Variants in CNTNAP2 observed in about 807,000 individuals in gnomAD.
The protein encoded by CNTNAP2 is contactin associated protein 2.
Under a neutral mutation model 155.2 loss-of-function variants are expected in CNTNAP2, and 98 were observed. That is an observed-to-expected ratio of 0.63 (90% confidence interval 0.54 to 0.75). CNTNAP2 has a LOEUF of 0.75. CNTNAP2 is among the 30% of genes least tolerant of loss of function. CNTNAP2 has a pLI of 0.00. For synonymous variants in CNTNAP2, 651 were observed against 631.2 expected, an observed-to-expected ratio of 1.03 and a Z score of -0.47; for missense variants, 1,727 against 1,688.1, an observed-to-expected ratio of 1.02 and a Z score of -0.40.
At chr7:148,223,063 C>T (rs1307026154) in intron 19 of CNTNAP2, among the ~76,000 whole-genome samples, 2 of 152,162 alleles carry the variant, frequency 1.3e-5, no homozygotes, top group African/African-American at 4.8e-5. Flanking sequence ...TATTCAGCAA[C>T]CCCTACTCTT....
intron 11 of CNTNAP2, among the ~76,000 whole-genome samples, chr7:147,521,565 A>G (rs554106779): frequency 6.6e-6 from 1 of 152,270 alleles, no homozygotes; most frequent in South Asian, 2.1e-4. Flanking sequence ...AAGATGCGAG[A>G]ATATTGCTCC....
At chr7:148,042,893 C>G (rs1802705096) in intron 15 of CNTNAP2, among the ~76,000 whole-genome samples, 1 of 152,320 alleles carries the variant, frequency 6.6e-6, no homozygotes, top group South Asian at 2.1e-4. Flanking sequence ...AAACCAAGAA[C>G]AGTCTCAAAA....
At chr7:147,194,969 G>T (rs878858810) in intron 8 of CNTNAP2, among the ~76,000 whole-genome samples, 1 of 152,056 alleles carries the variant, frequency 6.6e-6, no homozygotes, top group Non-Finnish European at 1.5e-5. Flanking sequence ...AATTGCTTTT[G>T]GCATTTTTGT....
chr7:148,213,774 A>T, intron 18 of CNTNAP2, among the ~76,000 whole-genome samples: 1 of 152,040 alleles, frequency 6.6e-6, no homozygotes. Context: ...TCTGTTAGAC[A>T]CATTTACAGA....
chr7:146,457,802 C>G (rs1447915314), intron 1 of CNTNAP2, among the ~76,000 whole-genome samples: 1 of 151,336 alleles, frequency 6.6e-6, no homozygotes, highest in Non-Finnish European at 1.5e-5. Context: ...TGCGCCTGGC[C>G]CAAATAATGT....
chr7:147,606,923 CACAGAGAAT>C (rs59831327), intron 12 of CNTNAP2, among the ~76,000 whole-genome samples: 101,063 of 151,258 alleles, frequency 0.67, 33,997 homozygotes, highest in African/African-American at 0.73. Flanking sequence ...TGATAAGCCT[CACAGAGAAT>C]TTTTTTTTTA....
intron 14 of CNTNAP2, among the ~76,000 whole-genome samples, chr7:147,972,929 C>T (rs1234603826): frequency 2.0e-5 from 3 of 152,052 alleles, no homozygotes; most frequent in Non-Finnish European, 4.4e-5. Context: ...CAGTGGTTCA[C>T]ACCGTGAAGC....
In CNTNAP2 at chr7:148,235,234, A is replaced by G. The variant is rs148376716; in HGVS notation, c.3381+5455A>G. On this transcript the variant is annotated intron_variant, in intron 20 of 23. Transcript: ENST00000361727. ...AACCAAATTGTATAAAAACAATTGCATCAATTGTTAATTGAACTAGGTCCT... is the reference window on the plus strand; with the variant it reads ...AACCAAATTGTATAAAAACAATTGCGTCAATTGTTAATTGAACTAGGTCCT... 4.9e-3 allele frequency among the ~76,000 whole-genome samples: 753 copies of G among 152,352 alleles called. 29 individuals carry two copies. The East Asian group carries it at 0.097, about 20-fold the overall frequency.
chr7:147,339,656 T>A (rs1040355310), intron 9 of CNTNAP2, among the ~76,000 whole-genome samples: 4 of 152,102 alleles, frequency 2.6e-5, no homozygotes, highest in African/African-American at 4.8e-5. Context: ...AATTAAATAT[T>A]CTGTGTATAC....
chr7:147,183,042 G>A (rs1320528706), intron 8 of CNTNAP2, among the ~76,000 whole-genome samples: 1 of 151,840 alleles, frequency 6.6e-6, no homozygotes, highest in East Asian at 1.9e-4. Context: ...CTTGAATGTT[G>A]TAAGAGTTTA....
chr7:146,941,540 A>T (rs75406490), intron 3 of CNTNAP2, among the ~76,000 whole-genome samples: 2 of 152,134 alleles, frequency 1.3e-5, no homozygotes, highest in Non-Finnish European at 1.5e-5. Context: ...CCATTATAGT[A>T]TGAAGATAGT....
intron 8 of CNTNAP2, among the ~76,000 whole-genome samples, chr7:147,266,524 G>A (rs1419814963): frequency 6.6e-6 from 1 of 152,176 alleles, no homozygotes; most frequent in Non-Finnish European, 1.5e-5. Context: ...TGGATGGTCT[G>A]AGACTATTAC....
chr7:147,699,528 A>T (rs1245755400), intron 13 of CNTNAP2, among the ~76,000 whole-genome samples: 1 of 152,144 alleles, frequency 6.6e-6, no homozygotes, highest in East Asian at 1.9e-4. Context: ...GCAGCAAACC[A>T]TCATGGCATG....
At chr7:146,502,224 A>AAGAT (rs1298873127) in intron 1 of CNTNAP2, among the ~76,000 whole-genome samples, 2 of 94,808 alleles carry the variant, frequency 2.1e-5, no homozygotes, top group African/African-American at 8.8e-5. Context: ...TATATATATG[A>AAGAT]ATATATATAT....
intron 1 of CNTNAP2, among the ~76,000 whole-genome samples, chr7:146,532,592 G>T (rs115375702): frequency 6.6e-6 from 1 of 152,028 alleles, no homozygotes; most frequent in African/African-American, 2.4e-5. Context: ...TTCTGTAAGC[G>T]TATATTTGGA....
intron 3 of CNTNAP2, among the ~76,000 whole-genome samples, chr7:146,869,710 A>G (rs1311455847): frequency 6.6e-6 from 1 of 152,122 alleles, no homozygotes; most frequent in Non-Finnish European, 1.5e-5. Context: ...TTGGGGTCTG[A>G]TGTTCAAGGG....
chr7:148,100,953 A>C (rs1804086254), intron 15 of CNTNAP2, among the ~76,000 whole-genome samples: 1 of 152,148 alleles, frequency 6.6e-6, no homozygotes, highest in South Asian at 2.1e-4. Context: ...TGCAGTCATA[A>C]AAAATGAAGA....
intron 8 of CNTNAP2, among the ~76,000 whole-genome samples, chr7:147,212,496 A>C (rs772293789): frequency 1.3e-5 from 2 of 152,140 alleles, no homozygotes; most frequent in Non-Finnish European, 2.9e-5. Context: ...CAGAAAACCA[A>C]ATACCCTATG....
chr7:147,097,187 T>C (rs60065365), intron 4 of CNTNAP2, among the ~76,000 whole-genome samples: 2,760 of 152,326 alleles, frequency 0.018, 91 homozygotes, highest in African/African-American at 0.063. Context: ...ATGACATTTT[T>C]TCCTAATCAC....
Sources: gnomAD v4.1 joint callset for allele counts (sites outside exome capture counted in the v4.1 genomes callset) on GRCh38, gnomAD v4.1.1 for gene constraint, MANE v1.5 for transcripts, NCBI Gene and HGNC (gene_info 2026-07-23, HGNC 2026-07-21) for gene names.